MLIP: variants seen among roughly 807,000 people sequenced by gnomAD.
MLIP encodes muscular LMNA interacting protein.
A neutral mutation model predicts 84.8 loss-of-function variants in MLIP; 79 were observed. The observed-to-expected ratio is 0.93, with a 90% CI of 0.78 to 1.12. The LOEUF is 1.12. Ranked by LOEUF, MLIP falls within the 50% of genes most tolerant of loss-of-function variation. The probability of loss-of-function intolerance (pLI) is 0.00; values close to 1 mark genes in which losing one functional copy is unlikely to be tolerated. For missense variants in MLIP, 1,257 were observed against 1,160.6 expected, an observed-to-expected ratio of 1.08 and a Z score of -1.21; for synonymous variants, 504 against 463.0, an observed-to-expected ratio of 1.09 and a Z score of -1.14.
intron 12 of MLIP, among the ~76,000 whole-genome samples, chr6:54,232,446 C>T (rs1302208350): frequency 6.6e-6 from 1 of 152,124 alleles, no homozygotes; most frequent in Admixed American, 6.6e-5. Flanking sequence ...ACATAATCCT[C>T]ATAATAGATT....
chr6:54,259,653 T>C (rs78647811), intron 13 of MLIP, among the ~76,000 whole-genome samples: 5,114 of 151,990 alleles, frequency 0.034, 266 homozygotes, highest in African/African-American at 0.12. Context: ...ATGATTTTGA[T>C]TCAGGTTTGG....
chr6:54,117,211 C>CTTTTTTT (rs200691416), intron 1 of MLIP, among the ~76,000 whole-genome samples: 2 of 117,828 alleles, frequency 1.7e-5, no homozygotes, highest in African/African-American at 3.1e-5. Flanking sequence ...CTATTTCTGT[C>CTTTTTTT]TTTTTTTTTT....
intron 10 of MLIP, among the ~76,000 whole-genome samples, chr6:54,199,749 T>C (rs1778544545): frequency 6.6e-6 from 1 of 152,176 alleles, no homozygotes; most frequent in Non-Finnish European, 1.5e-5. Context: ...TGCCTAGAGT[T>C]GGCTTCCATA....
At position 54,065,603 on chromosome 6, in the gene MLIP, G is replaced by A. The variant is rs1466062235; in HGVS notation, c.63+46512G>A. Among the ~76,000 whole-genome samples, 3 of 100,284 alleles carry A rather than the reference G, an allele frequency of 3.0e-5. 1 individual carries two copies. The highest frequency in any genetic ancestry group is 8.6e-5 in the Non-Finnish European group (3 of 34,964). The allele number at this position is 100,284 out of a possible 152,430, so 65.8% of individuals were successfully genotyped here. On this transcript the variant is annotated intron_variant, in intron 1 of 12. Coordinates refer to the MLIP transcript ENST00000274897. ...AGGTTACGGAATCTCCTCTAAGGAA[G>A]ACCCTTGCCTCTCTGGGATGCTTCA...
rs186334625 is a variant in MLIP at position 54,243,859 on chromosome 6, A to T, written c.2922+12942A>T. On this transcript the variant is annotated intron_variant, in intron 12 of 13. Transcript: ENST00000502396. ...CCATCTGACTTCCTTCAGTCTACAG[A>T]TAAGAAAACTGAAGCCCAAAGATGC... Among the ~76,000 whole-genome samples, 160 of 152,316 alleles carry T rather than the reference A, an allele frequency of 1.1e-3. 1 individual carries two copies. The highest frequency in any genetic ancestry group is 3.3e-3 in the South Asian group (16 of 4,824).
intron 10 of MLIP, among the ~76,000 whole-genome samples, chr6:54,196,555 T>C (rs1430366857): frequency 1.3e-5 from 2 of 152,152 alleles, no homozygotes; most frequent in African/African-American, 4.8e-5. Context: ...ATGGTGTATA[T>C]GTACCACATT....
chr6:54,191,636 G>A (rs189574130), intron 10 of MLIP, among the ~76,000 whole-genome samples: 22 of 152,230 alleles, frequency 1.4e-4, no homozygotes, highest in South Asian at 2.1e-4. Context: ...ATTCTATTGC[G>A]TACTTTCCAA....
At chr6:54,208,852 C>T (rs1779223313) in intron 11 of MLIP, among the ~76,000 whole-genome samples, 2 of 152,170 alleles carry the variant, frequency 1.3e-5, no homozygotes, top group South Asian at 4.1e-4. Context: ...CACTGCCTCC[C>T]TCCCTCCCTA....
intron 11 of MLIP, among the ~76,000 whole-genome samples, chr6:54,223,123 T>C (rs1424518061): frequency 6.6e-6 from 1 of 152,020 alleles, no homozygotes; most frequent in Non-Finnish European, 1.5e-5. Context: ...CAAATACATA[T>C]ATTTTGGATG....
At chr6:54,192,369 A>G (rs1778002323) in intron 10 of MLIP, among the ~76,000 whole-genome samples, 1 of 152,002 alleles carries the variant, frequency 6.6e-6, no homozygotes, top group African/African-American at 2.4e-5. Flanking sequence ...TCATGTCGTT[A>G]GCCCTGTGTT....
chr6:54,088,680 G>A (rs1767658830), intron 1 of MLIP, among the ~76,000 whole-genome samples: 1 of 152,148 alleles, frequency 6.6e-6, no homozygotes, highest in African/African-American at 2.4e-5. Flanking sequence ...ACCTGTTACA[G>A]TGGTCTCATA....
At chr6:54,094,523 G>A (rs1000951802) in intron 1 of MLIP, among the ~76,000 whole-genome samples, 2 of 151,874 alleles carry the variant, frequency 1.3e-5, no homozygotes. Context: ...GGGGCTTGAT[G>A]GTGAGTCCTG....
chr6:54,076,211 C>G (rs1442096619), intron 1 of MLIP, among the ~76,000 whole-genome samples: 1 of 152,156 alleles, frequency 6.6e-6, no homozygotes, highest in Non-Finnish European at 1.5e-5. Flanking sequence ...ATAGATGTGC[C>G]AAGGAGTGGG....
At chr6:54,054,825 C>T (rs1428693810) in intron 1 of MLIP, among the ~76,000 whole-genome samples, 1 of 152,172 alleles carries the variant, frequency 6.6e-6, no homozygotes, top group African/African-American at 2.4e-5. Flanking sequence ...CCAGACCTCT[C>T]CTAACGCAGA....
chr6:54,236,430 G>C lies in MLIP; in HGVS notation c.2922+5513G>C, dbSNP rs781060631. Reference sequence around the variant, plus strand: ...AGCCTGGCCAACATGGTGAAACCACGTCTCTACTAAAAATACAAAAGATTA... The same window carrying C: ...AGCCTGGCCAACATGGTGAAACCACCTCTCTACTAAAAATACAAAAGATTA... On this transcript the variant is annotated intron_variant, in intron 12 of 13. Coordinates refer to ENST00000502396, the MANE Select transcript of MLIP (RefSeq NM_001281747.2). 3.3e-5 allele frequency among the ~76,000 whole-genome samples: 5 copies of C among 152,168 alleles called. No homozygotes were observed. In the East Asian group the frequency reaches 9.7e-4, roughly 30 times the overall value.
intron 9 of MLIP, among the ~76,000 whole-genome samples, chr6:54,189,441 C>T (rs1385644580): frequency 6.6e-6 from 1 of 151,986 alleles, no homozygotes; most frequent in African/African-American, 2.4e-5. Context: ...TTTTATATAA[C>T]AATACTTTAA....
intron 13 of MLIP, among the ~76,000 whole-genome samples, chr6:54,259,719 C>A (rs1233137047): frequency 6.6e-6 from 1 of 151,744 alleles, no homozygotes; most frequent in Non-Finnish European, 1.5e-5. Context: ...AGAGACAATA[C>A]CTATTATTAG....
intron 3 of MLIP, among the ~76,000 whole-genome samples, chr6:54,131,988 G>C (rs1771420657): frequency 6.6e-6 from 1 of 152,096 alleles, no homozygotes; most frequent in Admixed American, 6.6e-5. Context: ...CTGAGACGTG[G>C]TCTTGTATCT....
At chr6:54,139,909 T>C (rs1772143688) in intron 4 of MLIP, among the ~76,000 whole-genome samples, 1 of 152,164 alleles carries the variant, frequency 6.6e-6, no homozygotes, top group South Asian at 2.1e-4. Context: ...TATATAATTT[T>C]GGGGTCATTT....
Sources: gnomAD v4.1 joint callset for allele counts (sites outside exome capture counted in the v4.1 genomes callset) on GRCh38, gnomAD v4.1.1 for gene constraint, MANE v1.5 for transcripts, NCBI Gene and HGNC (gene_info 2026-07-23, HGNC 2026-07-21) for gene names.